Variants in CNGA1 observed in about 807,000 individuals in gnomAD.
CNGA1 encodes the protein cyclic nucleotide gated channel subunit alpha 1, also known as cyclic nucleotide-gated channel alpha-1.
Under a neutral mutation model 69.7 loss-of-function variants are expected in CNGA1, and 53 were observed. The ratio of observed to expected loss-of-function variants is 0.76; its 90% confidence interval spans 0.61 to 0.96. The LOEUF (loss-of-function observed/expected upper bound fraction) is 0.96, where lower values mean the gene tolerates loss of function less well. Among genes scored for constraint, CNGA1 ranks in the 40% least tolerant of loss-of-function variants. The pLI is 0.00. For missense variants in CNGA1, 739 were observed against 811.2 expected (o/e 0.91, Z 1.08); for synonymous variants, 249 against 283.5 (o/e 0.88, Z 1.22).
At chr4:47,995,967 G>GT (rs1742459804) in intron 2 of CNGA1, among the ~76,000 whole-genome samples, 1 of 152,146 alleles carries the variant, frequency 6.6e-6, no homozygotes, top group African/African-American at 2.4e-5. Flanking sequence ...GGTACTAGGG[G>GT]TTGTCTGCAC....
intron 3 of CNGA1, among the ~76,000 whole-genome samples, chr4:47,956,300 G>A (rs1409070164): frequency 6.6e-6 from 1 of 152,208 alleles, no homozygotes; most frequent in Non-Finnish European, 1.5e-5. Flanking sequence ...GGTGCCAAAG[G>A]AAGGGCATCC....
intron 6 of CNGA1, 51 bp downstream of exon 6, chr4:47,949,782 C>T (rs1164727102): frequency 7.3e-7 from 1 of 1,376,780 alleles, no homozygotes; most frequent in Admixed American, 1.7e-5. Flanking sequence ...TACATTTTTA[C>T]TGGTTTTCTT....
chr4:47,970,626 T>C (rs1740962357), intron 3 of CNGA1, among the ~76,000 whole-genome samples: 2 of 148,296 alleles, frequency 1.3e-5, no homozygotes, highest in Non-Finnish European at 3.0e-5. Context: ...CATTCCAGCC[T>C]GGGCAACAAG....
At chr4:47,996,192 C>A (rs1414532381) in intron 2 of CNGA1, among the ~76,000 whole-genome samples, 1 of 152,164 alleles carries the variant, frequency 6.6e-6, no homozygotes, top group Admixed American at 6.5e-5. Flanking sequence ...GTCAGAGCTG[C>A]AATCTAGTCC....
rs1738667958 is a variant in CNGA1 at position 47,936,736 on chromosome 4, A to G, written c.1746T>C (p.Thr582=). The G allele has an allele frequency of 6.2e-7, 1 of 1,614,028 alleles. No homozygotes were observed. Among genetic ancestry groups the G allele is most frequent in the Non-Finnish European group, 8.5e-7 (1 of 1,179,950 alleles). The change falls in exon 11 of 11, where the codon ACT becomes ACC. Residue 582 remains threonine, a synonymous_variant. Coordinates refer to ENST00000514170, the MANE Select transcript of CNGA1 (RefSeq NM_001379270.1). ...GCATAGTTTTGGCATCTGGGTACTC[A>G]GTTAGAGCTTCCATGAGGTCATCTT... is the stretch of plus-strand genomic sequence containing the variant. ...LSKDDLMEAL[T]EYPDAKTMLE... is the part of the protein sequence containing the mutation.
chr4:47,943,872 A>C (rs1739241809), intron 6 of CNGA1, among the ~76,000 whole-genome samples: 1 of 152,224 alleles, frequency 6.6e-6, no homozygotes, highest in South Asian at 2.1e-4. Context: ...ATGAGTAATC[A>C]ACAAGCTGTC....
chr4:48,011,299 G>GA (rs35123937), intron 1 of CNGA1, among the ~76,000 whole-genome samples: 40,910 of 135,734 alleles, frequency 0.3, 6,368 homozygotes, highest in African/African-American at 0.44. Context: ...CAACTAAGAA[G>GA]AAAAAAAATT....
At chr4:47,996,392 G>A (rs1262882335) in intron 2 of CNGA1, among the ~76,000 whole-genome samples, 1 of 152,128 alleles carries the variant, frequency 6.6e-6, no homozygotes, top group Non-Finnish European at 1.5e-5. Flanking sequence ...TTGCATCCTG[G>A]TTTGCTAATT....
At chr4:47,971,492 T>C (rs146858684) in intron 3 of CNGA1, among the ~76,000 whole-genome samples, 1,963 of 152,264 alleles carry the variant, frequency 0.013, 19 homozygotes, top group Non-Finnish European at 0.02. Flanking sequence ...AATTATATCA[T>C]TCATATTTCT....
intron 2 of CNGA1, among the ~76,000 whole-genome samples, chr4:48,003,506 G>C (rs1714754832): frequency 6.6e-6 from 1 of 152,218 alleles, no homozygotes; most frequent in South Asian, 2.1e-4. Flanking sequence ...AGAGACCAAG[G>C]ACACGAGCTG....
chr4:48,015,642 G>A (rs1715345857), intron 1 of CNGA1, among the ~76,000 whole-genome samples: 1 of 150,956 alleles, frequency 6.6e-6, no homozygotes, highest in Non-Finnish European at 1.5e-5. Flanking sequence ...TCACTCTGTT[G>A]CCTGGACTAG....
intron 6 of CNGA1, among the ~76,000 whole-genome samples, chr4:47,947,306 T>C (rs1416639627): frequency 6.6e-6 from 1 of 152,078 alleles, no homozygotes; most frequent in Admixed American, 6.5e-5. Context: ...TTAGAGGTGG[T>C]CTTGAAAGTG....
chr4:47,992,574 C>A (rs1742315310), intron 2 of CNGA1, among the ~76,000 whole-genome samples: 1 of 151,964 alleles, frequency 6.6e-6, no homozygotes, highest in Non-Finnish European at 1.5e-5. Flanking sequence ...CTGGAGGAGT[C>A]TTTAGGATTT....
rs1715387027 is a variant in CNGA1, at chr4:48,016,471, T to G, written c.-223+12A>C. 6.5e-6 allele frequency: 2 copies of G among 307,316 alleles called. No homozygotes were observed. Among genetic ancestry groups the G allele is most frequent in the Non-Finnish European group, 1.2e-5 (2 of 166,624 alleles). The allele number at this position is 307,316 out of a possible 1,614,324, so 19.0% of individuals were successfully genotyped here. On this transcript the variant is annotated intron_variant, in intron 1 of 10. Coordinates refer to ENST00000514170, the MANE Select transcript of CNGA1 (RefSeq NM_001379270.1). Reference sequence around the variant, plus strand: ...CAGTGCAGCCTCCACTCCACTCAATTCCCGGAGTTACCTTGGCGGGCTCCA... The same window carrying G: ...CAGTGCAGCCTCCACTCCACTCAATGCCCGGAGTTACCTTGGCGGGCTCCA...
chr4:48,014,521 T>C (rs1050315695), intron 1 of CNGA1, among the ~76,000 whole-genome samples: 1 of 152,194 alleles, frequency 6.6e-6, no homozygotes, highest in African/African-American at 2.4e-5. Context: ...GTTTTGTTTT[T>C]TAATGTCCAA....
Position 47,944,482 on chromosome 4 carries a change from C to T in CNGA1, c.288-1070G>A, listed in dbSNP as rs145481689. ...GATCCTGAAGGATGATGTCGACACA[C>T]TACTCAAATGGCTCTTGGAAACCTG... On this transcript the variant is annotated intron_variant, in intron 6 of 10. Transcript: ENST00000514170. Among the ~76,000 whole-genome samples the T allele has an allele frequency of 4.6e-5, 7 of 152,312 alleles. No homozygotes were observed. In the East Asian group the frequency reaches 1.4e-3, roughly 29 times the overall value.
intron 3 of CNGA1, among the ~76,000 whole-genome samples, chr4:47,975,702 G>T (rs1032715411): frequency 6.6e-6 from 1 of 152,028 alleles, no homozygotes; most frequent in Non-Finnish European, 1.5e-5. Flanking sequence ...GCATTAAAAA[G>T]TTATTAGAAC....
intron 2 of CNGA1, among the ~76,000 whole-genome samples, chr4:48,007,101 C>T (rs224800): frequency 0.82 from 123,946 of 151,946 alleles, 51,035 homozygotes; most frequent in Non-Finnish European, 0.88. Context: ...GGACACTTAA[C>T]TTTCTAAACA....
chr4:47,970,382 T>C (rs1260646382), intron 3 of CNGA1, among the ~76,000 whole-genome samples: 1 of 151,934 alleles, frequency 6.6e-6, no homozygotes. Context: ...CTAGGATTAC[T>C]GCTCACACCT....
Sources: allele counts gnomAD v4.1 joint callset (sites outside exome capture counted in the v4.1 genomes callset), GRCh38; gene constraint gnomAD v4.1.1; transcripts MANE v1.5; gene names NCBI Gene and HGNC (gene_info 2026-07-23, HGNC 2026-07-21).